C12orf56: variants seen among roughly 807,000 people sequenced by gnomAD.
C12orf56 encodes the protein uncharacterized protein C12orf56.
A neutral mutation model predicts 69.9 loss-of-function variants in C12orf56; 71 were observed. That is an observed-to-expected ratio of 1.02 (90% confidence interval 0.84 to 1.24). The LOEUF is 1.24. C12orf56 is among the 50% of genes most tolerant of loss of function. C12orf56 has a pLI of 0.00. For synonymous variants in C12orf56, 276 were observed against 274.1 expected (o/e 1.01, Z -0.07); for missense variants, 732 against 738.5 (o/e 0.99, Z 0.10).
chr12:64,361,003 T>C (rs2039392967), intron 1 of C12orf56, among the ~76,000 whole-genome samples: 1 of 152,140 alleles, frequency 6.6e-6, no homozygotes, highest in Non-Finnish European at 1.5e-5. Flanking sequence ...GCGTATCACT[T>C]GAAGTCGGGA....
intron 8 of C12orf56, among the ~76,000 whole-genome samples, chr12:64,280,733 C>A (rs562065273): frequency 6.6e-6 from 1 of 152,146 alleles, no homozygotes; most frequent in Admixed American, 6.5e-5. Context: ...AAACAAGCCA[C>A]CTGAGTCCCA....
Position 64,266,645 on chromosome 12 carries a change from C to A in C12orf56, c.*538G>T. ...TCTGAGTACAGAATCGGGTGAAGAG[C>A]ATGCTCCTGTGCCTGGCATGGTTTC... On this transcript the variant is annotated 3_prime_UTR_variant, in exon 13 of 13. Coordinates refer to ENST00000543942, the MANE Select transcript of C12orf56 (RefSeq NM_001170633.2). 1 of 874,040 alleles carries A rather than the reference C, an allele frequency of 1.1e-6. No homozygotes were observed. The allele number at this position is 874,040 out of a possible 1,614,324, so 54.1% of individuals were successfully genotyped here.
chr12:64,379,732 A>G (rs2039685969), intron 1 of C12orf56, among the ~76,000 whole-genome samples: 1 of 152,004 alleles, frequency 6.6e-6, no homozygotes, highest in Non-Finnish European at 1.5e-5. Context: ...AAAGCTGGAA[A>G]AGAAAAGAAG....
chr12:64,275,242 T>C, intron 10 of C12orf56, 56 bp downstream of exon 10: 1 of 823,562 alleles, frequency 1.2e-6, no homozygotes, highest in South Asian at 1.9e-5. Flanking sequence ...TATATAATAG[T>C]CATGTAATTT....
At chr12:64,299,785 C>T (rs999989601) in intron 6 of C12orf56, among the ~76,000 whole-genome samples, 7 of 152,074 alleles carry the variant, frequency 4.6e-5, no homozygotes, top group African/African-American at 1.7e-4. Context: ...CACCAAGCCT[C>T]ACACAGATTA....
chr12:64,385,287 C>A (rs1223045073), intron 1 of C12orf56, among the ~76,000 whole-genome samples: 1 of 152,194 alleles, frequency 6.6e-6, no homozygotes, highest in Non-Finnish European at 1.5e-5. Flanking sequence ...GAAGGGAAAT[C>A]TCACTTGTAC....
Position 64,390,458 on chromosome 12 carries a change from G to C in C12orf56, c.108C>G (p.Tyr36Ter), listed in dbSNP as rs750391688. 3.1e-6 allele frequency: 5 copies of C among 1,609,176 alleles called. No homozygotes were observed. The African/African-American group carries it at 6.7e-5, about 21-fold the overall frequency. Residue 36 changes from tyrosine (Y) to a stop codon, truncating the protein, a stop_gained, in exon 1 of 13, where the codon TAC (tyrosine) becomes TAG (stop). Coordinates refer to ENST00000543942, the MANE Select transcript of C12orf56 (RefSeq NM_001170633.2). LOFTEE classifies it high-confidence loss of function. ...PPEVYDAVRA[Y>*]EPCIVVSNSE... The stretch of plus-strand genomic sequence containing the variant: ...AGTTGGACACCACGATGCATGGCTC[G>C]TAGGCGCGGACCGCGTCGTAGACCT...
chr12:64,353,736 C>A (rs2039265853), intron 1 of C12orf56, among the ~76,000 whole-genome samples: 1 of 152,124 alleles, frequency 6.6e-6, no homozygotes. Flanking sequence ...GCCTGGAGTG[C>A]AATGGCACAA....
intron 5 of C12orf56, among the ~76,000 whole-genome samples, chr12:64,305,989 A>G (rs1389734066): frequency 6.6e-6 from 1 of 152,220 alleles, no homozygotes; most frequent in Non-Finnish European, 1.5e-5. Context: ...GCAATTTGCT[A>G]AGATCCGCAA....
At chr12:64,389,592 G>T (rs939257697) in intron 1 of C12orf56, among the ~76,000 whole-genome samples, 1 of 152,166 alleles carries the variant, frequency 6.6e-6, no homozygotes, top group Admixed American at 6.5e-5. Flanking sequence ...CGCCTCCCAG[G>T]TTCAAGCGAT....
chr12:64,308,940 G>GAAAGAAAGAAAGAAAGAAAAA (rs35488127), intron 5 of C12orf56, among the ~76,000 whole-genome samples: 1 of 80,828 alleles, frequency 1.2e-5, no homozygotes, highest in African/African-American at 4.6e-5. Context: ...AAGAAAGAAA[G>GAAAGAAAGAAAGAAAGAAAAA]AAGAAAGAAA....
At chr12:64,268,971 A>G (rs1249967742) in intron 12 of C12orf56, among the ~76,000 whole-genome samples, 1 of 152,078 alleles carries the variant, frequency 6.6e-6, no homozygotes, top group East Asian at 1.9e-4. Flanking sequence ...CTCCATCTCT[A>G]CTAAAAATAC....
At chr12:64,336,476 AG>A (rs1592464769) in intron 2 of C12orf56, among the ~76,000 whole-genome samples, 1 of 152,140 alleles carries the variant, frequency 6.6e-6, no homozygotes, top group East Asian at 1.9e-4. Flanking sequence ...TACACGTTGA[AG>A]GAAAAAAAAA....
At chr12:64,361,423 CAGCACA>C (rs1031767430) in intron 1 of C12orf56, among the ~76,000 whole-genome samples, 2 of 152,002 alleles carry the variant, frequency 1.3e-5, no homozygotes, top group Admixed American at 6.6e-5. Context: ...GACAGGAGCT[CAGCACA>C]AGATACAGGT....
chr12:64,382,745 T>C (rs1592506622), intron 1 of C12orf56, among the ~76,000 whole-genome samples: 1 of 151,724 alleles, frequency 6.6e-6, no homozygotes, highest in South Asian at 2.1e-4. Context: ...TGGTGGCGGG[T>C]GCCTGTAGTC....
chr12:64,313,276 AAGAAAG>A, intron 4 of C12orf56, among the ~76,000 whole-genome samples: 1 of 106,594 alleles, frequency 9.4e-6, no homozygotes, highest in Non-Finnish European at 2.1e-5. Flanking sequence ...AAAAAAAAAA[AAGAAAG>A]AAAGAAAGAA....
chr12:64,303,518 ATT>A, intron 6 of C12orf56, 115 bp downstream of exon 6: 1 of 882,456 alleles, frequency 1.1e-6, no homozygotes, highest in Non-Finnish European at 1.7e-6. Flanking sequence ...TTTTATCAAC[ATT>A]TAAAAATACA....
At position 64,266,030 on chromosome 12, in the gene C12orf56, GA is replaced by G. The variant is rs2037917124; in HGVS notation, c.*1152del. The G allele has an allele frequency of 6.6e-6, 1 of 152,190 alleles. No homozygotes were observed. The highest frequency in any genetic ancestry group is 6.5e-5 in the Admixed American group (1 of 15,272). 9.4% of individuals were successfully genotyped at this position (152,190 alleles called of 1,614,324 possible). ...TTGAAGTCCAAGCTTCTTTCTCTATGATAAAAGAGGAAGTGACATTCTATAC... is the reference window on the plus strand; with the variant it reads ...TTGAAGTCCAAGCTTCTTTCTCTATGTAAAAGAGGAAGTGACATTCTATAC... On this transcript the variant is annotated 3_prime_UTR_variant, in exon 13 of 13. Transcript: ENST00000543942.
intron 1 of C12orf56, among the ~76,000 whole-genome samples, chr12:64,363,304 G>C (rs1030958141): frequency 6.6e-6 from 1 of 152,162 alleles, no homozygotes; most frequent in African/African-American, 2.4e-5. Flanking sequence ...AAACAAACAT[G>C]CTAGCTCCCT....
Sources: allele counts gnomAD v4.1 joint callset (sites outside exome capture counted in the v4.1 genomes callset), GRCh38; gene constraint gnomAD v4.1.1; transcripts MANE v1.5; gene names NCBI Gene and HGNC (gene_info 2026-07-23, HGNC 2026-07-21).